Variants in FER observed in about 807,000 individuals in gnomAD.
FER encodes the protein FER tyrosine kinase, also known as tyrosine-protein kinase Fer.
In FER, 63 loss-of-function variants were observed where a neutral mutation model predicts 111.0. The ratio of observed to expected loss-of-function variants is 0.57; its 90% CI spans 0.46 to 0.70. The LOEUF is 0.70. Among genes scored for constraint, FER ranks in the 30% least tolerant of loss-of-function variants. The probability of loss-of-function intolerance (pLI) is 0.00; values close to 1 mark genes in which losing one functional copy is unlikely to be tolerated. For synonymous variants in FER, 327 were observed against 313.9 expected (o/e 1.04, Z -0.44); for missense variants, 914 against 954.0 (o/e 0.96, Z 0.55).
chr5:108,970,982 T>C (rs1760569153), intron 13 of FER, among the ~76,000 whole-genome samples: 1 of 152,160 alleles, frequency 6.6e-6, no homozygotes, highest in South Asian at 2.1e-4. Context: ...ATGATGGTGA[T>C]ACCACATACT....
chr5:108,978,151 C>A lies in FER; in HGVS notation c.1656+18804C>A, dbSNP rs537402722. Among the ~76,000 whole-genome samples, 4 of 152,278 alleles carry A rather than the reference C, an allele frequency of 2.6e-5. No individual in the cohort carries two copies. The South Asian group carries it at 8.3e-4, about 32-fold the overall frequency. Reference sequence around the variant, plus strand: ...ATGAGCCATCGTGCCTAGCTAACTCCTGTTTCTCTTGTTTGCCTTTGTCAT... The same window carrying A: ...ATGAGCCATCGTGCCTAGCTAACTCATGTTTCTCTTGTTTGCCTTTGTCAT... On this transcript the variant is annotated intron_variant, in intron 13 of 19. Transcript: ENST00000281092.
intron 13 of FER, among the ~76,000 whole-genome samples, chr5:109,006,365 A>G (rs1371179805): frequency 6.6e-6 from 1 of 152,168 alleles, no homozygotes; most frequent in Non-Finnish European, 1.5e-5. Context: ...AAGTCTCACG[A>G]GAGCTGGTCG....
chr5:109,007,624 A>C (rs1765671373), intron 13 of FER, among the ~76,000 whole-genome samples: 1 of 152,206 alleles, frequency 6.6e-6, no homozygotes, highest in African/African-American at 2.4e-5. Flanking sequence ...TTTTATTGTG[A>C]ATAACATTTC....
chr5:108,787,973 A>T (rs550105564), intron 2 of FER, among the ~76,000 whole-genome samples: 2 of 152,310 alleles, frequency 1.3e-5, no homozygotes, highest in African/African-American at 4.8e-5. Flanking sequence ...TGGGACTAAA[A>T]AGAGCTGTAA....
At chr5:109,089,465 T>G (rs1053112110) in intron 16 of FER, among the ~76,000 whole-genome samples, 3 of 152,160 alleles carry the variant, frequency 2.0e-5, no homozygotes, top group Admixed American at 6.6e-5. Context: ...CCTTGTAGCA[T>G]ACTGGCCAAC....
At chr5:109,077,289 T>C (rs1215938995) in intron 16 of FER, among the ~76,000 whole-genome samples, 1 of 152,192 alleles carries the variant, frequency 6.6e-6, no homozygotes, top group Non-Finnish European at 1.5e-5. Context: ...TAATGAAACT[T>C]TCTTAGATTT....
chr5:108,924,576 T>C (rs1753488920), intron 10 of FER: 1 of 1,227,566 alleles, frequency 8.1e-7, no homozygotes, highest in South Asian at 4.2e-5. Flanking sequence ...CTCTCTTCTA[T>C]CTTGCTTTTG....
intron 13 of FER, among the ~76,000 whole-genome samples, chr5:108,968,445 G>A (rs1760189677): frequency 6.6e-6 from 1 of 152,052 alleles, no homozygotes; most frequent in Admixed American, 6.6e-5. Context: ...TAAATTCTAA[G>A]GCTGTATTCC....
At chr5:109,045,054 A>C (rs1374295576) in intron 15 of FER, among the ~76,000 whole-genome samples, 1 of 151,942 alleles carries the variant, frequency 6.6e-6, no homozygotes, top group Non-Finnish European at 1.5e-5. Context: ...ATACATATAC[A>C]TATATGTATA....
At chr5:108,866,821 A>G (rs1764116590) in intron 5 of FER, among the ~76,000 whole-genome samples, 1 of 152,184 alleles carries the variant, frequency 6.6e-6, no homozygotes, top group Admixed American at 6.5e-5. Flanking sequence ...ATTTGCATCA[A>G]AAGTTTAAGA....
intron 19 of FER, among the ~76,000 whole-genome samples, chr5:109,187,048 C>T (rs563110569): frequency 1.8e-3 from 279 of 152,094 alleles, no homozygotes; most frequent in Non-Finnish European, 2.7e-3. Context: ...ATAAAATCCT[C>T]ATATTGAATT....
intron 18 of FER, among the ~76,000 whole-genome samples, chr5:109,185,831 G>A (rs182308954): frequency 2.6e-5 from 4 of 152,248 alleles, no homozygotes; most frequent in Admixed American, 6.5e-5. Flanking sequence ...GAAATGCGTC[G>A]TTACGCAGTT....
intron 3 of FER, among the ~76,000 whole-genome samples, chr5:108,817,103 CAAAAAAAAAAAAAAAAAA>C (rs70999913): frequency 1.9e-4 from 11 of 59,200 alleles, no homozygotes; most frequent in Admixed American, 2.7e-4. Flanking sequence ...GACACTGTCT[CAAAAAAAAAAAAAAAAAA>C]AAAAAAAAAA....
chr5:109,168,827 T>A (rs1484281651), intron 17 of FER, among the ~76,000 whole-genome samples: 1 of 152,252 alleles, frequency 6.6e-6, no homozygotes, highest in African/African-American at 2.4e-5. Flanking sequence ...TGTTGCTGAA[T>A]GCTGTCAAGC....
intron 17 of FER, 51 bp from the exon 18 acceptor site, chr5:109,180,696 T>C: frequency 6.5e-7 from 1 of 1,538,244 alleles, no homozygotes; most frequent in Non-Finnish European, 8.8e-7. Context: ...AATGTGAAAG[T>C]GGCTTTCAAT....
At chr5:108,927,965 T>A (rs1235822506) in intron 10 of FER, among the ~76,000 whole-genome samples, 2 of 152,240 alleles carry the variant, frequency 1.3e-5, no homozygotes, top group African/African-American at 4.8e-5. Context: ...ACTTTACTTA[T>A]GAATTTCATT....
At chr5:108,920,006 A>C (rs1451811542) in intron 10 of FER, among the ~76,000 whole-genome samples, 2 of 152,094 alleles carry the variant, frequency 1.3e-5, no homozygotes, top group Non-Finnish European at 2.9e-5. Context: ...TAAGTTCAAT[A>C]AATGGTAGCT....
intron 17 of FER, among the ~76,000 whole-genome samples, chr5:109,108,993 C>A (rs1390620225): frequency 1.3e-5 from 2 of 152,120 alleles, no homozygotes; most frequent in Non-Finnish European, 2.9e-5. Flanking sequence ...CCTTTTCAGT[C>A]CCAGGCTTCT....
intron 10 of FER, among the ~76,000 whole-genome samples, chr5:108,925,368 C>G (rs1361531355): frequency 6.6e-6 from 1 of 151,724 alleles, no homozygotes; most frequent in African/African-American, 2.4e-5. Flanking sequence ...CTATATAGTT[C>G]AATGCTAATT....
Sources: gnomAD v4.1 joint callset for allele counts (sites outside exome capture counted in the v4.1 genomes callset) on GRCh38, gnomAD v4.1.1 for gene constraint, MANE v1.5 for transcripts, NCBI Gene and HGNC (gene_info 2026-07-23, HGNC 2026-07-21) for gene names.